The following CRY1 variants were observed in gnomAD, a reference collection of about 807,000 sequenced individuals.
The protein encoded by CRY1 is cryptochrome circadian regulator 1, also known as cryptochrome-1.
A neutral mutation model predicts 76.0 loss-of-function variants in CRY1; 45 were observed. That is an observed-to-expected ratio of 0.59 (90% confidence interval 0.47 to 0.76). The LOEUF is 0.76. Among genes scored for constraint, CRY1 ranks in the 30% least tolerant of loss-of-function variants. The pLI is 0.00. For missense variants in CRY1, 587 were observed against 716.4 expected (o/e 0.82, Z 2.06); for synonymous variants, 248 against 244.0 (o/e 1.02, Z -0.15).
intron 1 of CRY1, among the ~76,000 whole-genome samples, chr12:107,038,940 GC>G (rs1952766900): frequency 1.3e-5 from 2 of 152,138 alleles, no homozygotes; most frequent in South Asian, 4.1e-4. Context: ...CCCAGCTGCT[GC>G]CCAAGAGACT....
rs1261439498 is a variant in CRY1, at chr12:106,991,666, T to G, written c.*336A>C. 1 of 152,636 alleles carries G rather than the reference T, an allele frequency of 6.6e-6. No homozygotes were observed. The highest frequency in any genetic ancestry group is 2.4e-5 in the African/African-American group (1 of 41,462). 9.5% of individuals were successfully genotyped at this position (152,636 alleles called of 1,614,324 possible). A position where few individuals can be genotyped will look rare whatever the true frequency, so the allele number is the denominator to read the frequency against. On this transcript the variant is annotated 3_prime_UTR_variant, in exon 13 of 13. Transcript: ENST00000008527. Reference sequence around the variant, plus strand: ...AAAAACCTCCTTTTTTCCCACTGACTTCAAAACTTTGAGTTTTATATCAGA... The same window carrying G: ...AAAAACCTCCTTTTTTCCCACTGACGTCAAAACTTTGAGTTTTATATCAGA...
At chr12:107,016,107 C>T (rs989460498) in intron 2 of CRY1, among the ~76,000 whole-genome samples, 2 of 152,070 alleles carry the variant, frequency 1.3e-5, no homozygotes, top group South Asian at 4.1e-4. Flanking sequence ...GTCAGGACTT[C>T]GAGACCAGGC....
At chr12:107,053,722 T>C (rs1222873449) in intron 1 of CRY1, among the ~76,000 whole-genome samples, 3 of 151,988 alleles carry the variant, frequency 2.0e-5, no homozygotes, top group Non-Finnish European at 4.4e-5. Flanking sequence ...AACAGACAGG[T>C]TTCAAGGAGC....
intron 1 of CRY1, among the ~76,000 whole-genome samples, chr12:107,031,098 A>G (rs923133231): frequency 4.6e-5 from 7 of 152,210 alleles, no homozygotes; most frequent in Non-Finnish European, 8.8e-5. Flanking sequence ...CCTAACAGAA[A>G]TAACTAACAA....
At chr12:107,048,582 C>T (rs1232775424) in intron 1 of CRY1, among the ~76,000 whole-genome samples, 1 of 152,164 alleles carries the variant, frequency 6.6e-6, no homozygotes, top group Non-Finnish European at 1.5e-5. Context: ...TTACCAAATA[C>T]CGTATGTCTC....
intron 1 of CRY1, among the ~76,000 whole-genome samples, chr12:107,086,307 T>C (rs1032537643): frequency 3.9e-5 from 6 of 152,178 alleles, no homozygotes; most frequent in African/African-American, 1.2e-4. Flanking sequence ...CCTAACCATG[T>C]GGTAGAGGGA....
intron 1 of CRY1, among the ~76,000 whole-genome samples, chr12:107,063,341 GGTTGA>G (rs1308895786): frequency 1.3e-5 from 2 of 152,158 alleles, no homozygotes; most frequent in Non-Finnish European, 2.9e-5. Context: ...AAATATTCTT[GGTTGA>G]GTTGTCAATT....
chr12:107,068,566 G>GA (rs927394352), intron 1 of CRY1, among the ~76,000 whole-genome samples: 1 of 152,096 alleles, frequency 6.6e-6, no homozygotes, highest in African/African-American at 2.4e-5. Flanking sequence ...CCAAAGTGCT[G>GA]AGATTATAAG....
At chr12:107,005,559 T>C (rs929624610) in intron 2 of CRY1, among the ~76,000 whole-genome samples, 4 of 152,202 alleles carry the variant, frequency 2.6e-5, no homozygotes, top group Non-Finnish European at 5.9e-5. Flanking sequence ...ATTATTTCAT[T>C]TGAGCCTCAA....
chr12:107,071,783 T>C (rs1953193010), intron 1 of CRY1, among the ~76,000 whole-genome samples: 1 of 152,192 alleles, frequency 6.6e-6, no homozygotes, highest in Non-Finnish European at 1.5e-5. Flanking sequence ...AAAGATATGG[T>C]ATACAACTTT....
At chr12:107,083,762 T>A (rs1047956730) in intron 1 of CRY1, among the ~76,000 whole-genome samples, 1 of 152,170 alleles carries the variant, frequency 6.6e-6, no homozygotes, top group Non-Finnish European at 1.5e-5. Flanking sequence ...GCTGGAAGCA[T>A]TCCCATTGAA....
rs189369207 is a variant in CRY1 at position 107,053,446 on chromosome 12, A to G, written c.159-31254T>C. 4.3e-3 allele frequency among the ~76,000 whole-genome samples: 662 copies of G among 152,210 alleles called. 2 individuals carry two copies. Among genetic ancestry groups the G allele is most frequent in the African/African-American group, 0.015 (635 of 41,534 alleles). On this transcript the variant is annotated intron_variant, in intron 1 of 12. Transcript: ENST00000008527. ...ATTCTCCTGCCTCAGCCTCCTGAGT[A>G]GCTGGGATTACAGGCATGTGCCACC...
intron 9 of CRY1, 36 bp downstream of exon 9, chr12:106,997,452 C>G: frequency 2.5e-6 from 4 of 1,613,012 alleles, no homozygotes; most frequent in Non-Finnish European, 3.4e-6. Context: ...AGTACATAAA[C>G]AGCTGCCAAA....
chr12:107,077,589 A>C (rs1953272191), intron 1 of CRY1, among the ~76,000 whole-genome samples: 1 of 152,082 alleles, frequency 6.6e-6, no homozygotes, highest in Admixed American at 6.6e-5. Flanking sequence ...TATATATTTT[A>C]TTTCTTATTT....
At chr12:107,026,156 A>ATATATTATATATATTAT (rs1565829158) in intron 1 of CRY1, among the ~76,000 whole-genome samples, 1 of 17,916 alleles carries the variant, frequency 5.6e-5, no homozygotes, top group African/African-American at 3.7e-4. Context: ...ATATATATAT[A>ATATATTATATATATTAT]AAATATATAT....
rs535566980 is a variant in CRY1, at chr12:107,051,261, C to T, written c.159-29069G>A. 6.1e-4 allele frequency among the ~76,000 whole-genome samples: 93 copies of T among 152,226 alleles called. 2 individuals are homozygous for T. In the South Asian group the frequency reaches 0.019, roughly 31 times the overall value. On this transcript the variant is annotated intron_variant, in intron 1 of 12. Transcript: ENST00000008527. ...ACAACAGAACTATTCTTAACTAATC[C>T]TGTGAGTCACATTATCTTATTTAGG...
chr12:107,078,815 A>C (rs1330560058), intron 1 of CRY1, among the ~76,000 whole-genome samples: 1 of 151,808 alleles, frequency 6.6e-6, no homozygotes, highest in Non-Finnish European at 1.5e-5. Context: ...AGGATCTTAC[A>C]CTCTACTTTC....
Position 107,093,130 on chromosome 12 carries a change from G to C in CRY1, c.-169C>G. The C allele has an allele frequency of 3.9e-6, 3 of 777,962 alleles. No individual in the cohort carries two copies. The highest frequency in any genetic ancestry group is 5.8e-6 in the Non-Finnish European group (3 of 517,858). 48.2% of individuals were successfully genotyped at this position (777,962 alleles called of 1,614,324 possible). A position where few individuals can be genotyped will look rare whatever the true frequency, so the allele number is the denominator to read the frequency against. ...GAGGAGGGGACCGGAGAAGGCGGGG[G>C]CGCCGGAGGCGCAGTGGAAAGATGA... On this transcript the variant is annotated 5_prime_UTR_variant, in exon 1 of 13. Transcript: ENST00000008527.
intron 2 of CRY1, among the ~76,000 whole-genome samples, chr12:107,019,108 A>T (rs1363391429): frequency 6.6e-6 from 1 of 152,216 alleles, no homozygotes; most frequent in East Asian, 1.9e-4. Flanking sequence ...TAATTAAGTA[A>T]CTCAGCTAGT....
Sources: allele counts gnomAD v4.1 joint callset (sites outside exome capture counted in the v4.1 genomes callset), GRCh38; gene constraint gnomAD v4.1.1; transcripts MANE v1.5; gene names NCBI Gene and HGNC (gene_info 2026-07-23, HGNC 2026-07-21).